Variants in CAMTA1 observed in about 807,000 individuals in gnomAD.
CAMTA1 encodes calmodulin binding transcription activator 1.
CAMTA1 carries 27 observed loss-of-function variants against 170.9 expected under a neutral mutation model. The observed-to-expected ratio is 0.16, with a 90% CI of 0.12 to 0.22. The LOEUF is 0.22. CAMTA1 is among the 10% of genes least tolerant of loss of function. CAMTA1 has a pLI of 1.00. For synonymous variants in CAMTA1, 833 were observed against 891.5 expected, an observed-to-expected ratio of 0.93 and a Z score of 1.17; for missense variants, 1,619 against 2,217.2, an observed-to-expected ratio of 0.73 and a Z score of 5.42.
intron 5 of CAMTA1, among the ~76,000 whole-genome samples, chr1:7,384,171 G>A (rs2087672549): frequency 6.6e-6 from 1 of 152,222 alleles, no homozygotes; most frequent in Admixed American, 6.5e-5. Context: ...TGTGGGAAAA[G>A]GGGGAATGGA....
intron 3 of CAMTA1, among the ~76,000 whole-genome samples, chr1:6,937,585 TCGTCACCATCACCATCATCATCAC>T (rs1685629752): frequency 1.8e-5 from 1 of 55,868 alleles, no homozygotes; most frequent in African/African-American, 6.8e-5. Context: ...ACCACCACCA[TCGTCACCATCACCATCATCATCAC>T]CATCACTATC....
chr1:6,924,106 G>T (rs551304377), intron 3 of CAMTA1, among the ~76,000 whole-genome samples: 1 of 152,292 alleles, frequency 6.6e-6, no homozygotes, highest in East Asian at 1.9e-4. Flanking sequence ...TGGCCACACG[G>T]CATGACTTTG....
chr1:7,557,311 A>G (rs1303874251), intron 6 of CAMTA1, among the ~76,000 whole-genome samples: 1 of 151,308 alleles, frequency 6.6e-6, no homozygotes, highest in Non-Finnish European at 1.5e-5. Flanking sequence ...CCGTTCAGAA[A>G]AAAAAAAAAA....
At chr1:7,637,609 G>A (rs2095723544) in intron 6 of CAMTA1, among the ~76,000 whole-genome samples, 1 of 152,218 alleles carries the variant, frequency 6.6e-6, no homozygotes, top group Admixed American at 6.5e-5. Flanking sequence ...AAGTGAAATG[G>A]AGATGAGACA....
chr1:7,061,410 A>G (rs2101752397), intron 3 of CAMTA1, among the ~76,000 whole-genome samples: 1 of 152,354 alleles, frequency 6.6e-6, no homozygotes, highest in East Asian at 1.9e-4. Context: ...CCGAGCTTCC[A>G]GTGCCCATGC....
intron 5 of CAMTA1, among the ~76,000 whole-genome samples, chr1:7,272,137 G>A (rs906485730): frequency 6.6e-6 from 1 of 152,072 alleles, no homozygotes; most frequent in East Asian, 1.9e-4. Flanking sequence ...AACAATTGCA[G>A]TTATAAATAA....
At chr1:6,988,302 C>G (rs1419485180) in intron 3 of CAMTA1, among the ~76,000 whole-genome samples, 1 of 152,096 alleles carries the variant, frequency 6.6e-6, no homozygotes, top group Non-Finnish European at 1.5e-5. Flanking sequence ...ATCCTGCATC[C>G]CGGCACCCCA....
Position 7,408,281 on chromosome 1 carries a change from G to T in CAMTA1, c.439-59549G>T, listed in dbSNP as rs145084283. On this transcript the variant is annotated intron_variant, in intron 5 of 22. Transcript: ENST00000303635. Reference sequence around the variant, plus strand: ...GACCAAGCATGTCTGCGTTAGCTTTGCATCTTTGTGCTCAGCAAGGACTTG... The same window carrying T: ...GACCAAGCATGTCTGCGTTAGCTTTTCATCTTTGTGCTCAGCAAGGACTTG... 2.9e-3 allele frequency among the ~76,000 whole-genome samples: 444 copies of T among 152,368 alleles called. 1 individual carries two copies. Among genetic ancestry groups the T allele is most frequent in the African/African-American group, 9.7e-3 (403 of 41,588 alleles).
intron 6 of CAMTA1, among the ~76,000 whole-genome samples, chr1:7,543,091 A>G (rs550428779): frequency 2.6e-5 from 4 of 151,516 alleles, no homozygotes; most frequent in African/African-American, 9.7e-5. Flanking sequence ...ATGGTCTCGA[A>G]CTCCTGACCT....
At chr1:6,902,076 A>C (rs202022523) in intron 3 of CAMTA1, among the ~76,000 whole-genome samples, 16,924 of 77,328 alleles carry the variant, frequency 0.22, 1,042 homozygotes, top group African/African-American at 0.25. Flanking sequence ...CACACACAAA[A>C]AAAAAAATAA....
At position 7,730,806 on chromosome 1, in the gene CAMTA1, A is replaced by G. The variant is rs199751832; in HGVS notation, c.2915-1642A>G. 1.8e-4 allele frequency among the ~76,000 whole-genome samples: 27 copies of G among 152,110 alleles called. No homozygotes were observed. The East Asian group carries it at 5.2e-3, about 29-fold the overall frequency. ...CCCAGCTACTTGGGTGGCTGAGCCA[A>G]GATAATCGCTTAAACTCAGGAGGCG... On this transcript the variant is annotated intron_variant, in intron 11 of 22. Transcript: ENST00000303635.
At chr1:7,749,625 C>A (rs1577397841) in intron 19 of CAMTA1, 2 of 332,748 alleles carry the variant, frequency 6.0e-6, no homozygotes, top group East Asian at 7.7e-5. Flanking sequence ...AACTATAAAA[C>A]AAATATTTTG....
At position 7,254,663 on chromosome 1, in the gene CAMTA1, TA is replaced by T. The variant is rs61056446; in HGVS notation, c.438+5047del. On this transcript the variant is annotated intron_variant, in intron 5 of 22. Coordinates refer to ENST00000303635, the MANE Select transcript of CAMTA1 (RefSeq NM_015215.4). ...TTTATTTGGGCACTTAGGCCACATA[TA>T]AAAAAAAAAGAAAGCACCTCTTTTA... Among the ~76,000 whole-genome samples the T allele has an allele frequency of 1.5e-4, 22 of 148,306 alleles. No homozygotes were observed. The East Asian group carries it at 2.7e-3, about 19-fold the overall frequency.
chr1:6,979,965 A>T (rs977242998), intron 3 of CAMTA1, among the ~76,000 whole-genome samples: 1 of 152,138 alleles, frequency 6.6e-6, no homozygotes, highest in African/African-American at 2.4e-5. Flanking sequence ...GGGGAGTCTC[A>T]GTGCTGTGAA....
At chr1:7,182,073 T>C (rs1652287898) in intron 4 of CAMTA1, among the ~76,000 whole-genome samples, 3 of 152,098 alleles carry the variant, frequency 2.0e-5, no homozygotes, top group African/African-American at 7.3e-5. Flanking sequence ...GGAAATTTAG[T>C]ATATGACAAA....
chr1:7,565,791 C>T lies in CAMTA1; in HGVS notation c.511-74609C>T, dbSNP rs1221198319. Among the ~76,000 whole-genome samples, 1 of 152,168 alleles carries T rather than the reference C, an allele frequency of 6.6e-6. No individual in the cohort carries two copies. The highest frequency in any genetic ancestry group is 1.5e-5 in the Non-Finnish European group (1 of 68,026). ...AATACCATAGACCGGGTGGCTTAAA[C>T]AGTAGACATTTACACTCTCACAGTT... On this transcript the variant is annotated intron_variant, in intron 6 of 22. Transcript: ENST00000303635. The surrounding 1 kb of genome is among the most constrained non-coding windows in gnomAD (Gnocchi z 4.5).
At chr1:7,496,194 G>T (rs749689800) in intron 6 of CAMTA1, among the ~76,000 whole-genome samples, 1 of 152,194 alleles carries the variant, frequency 6.6e-6, no homozygotes, top group Non-Finnish European at 1.5e-5. Flanking sequence ...TGAATAGGCT[G>T]GGGGCTCCTT....
At chr1:7,719,550 G>T (rs2096635947) in intron 11 of CAMTA1, among the ~76,000 whole-genome samples, 1 of 152,164 alleles carries the variant, frequency 6.6e-6, no homozygotes, top group African/African-American at 2.4e-5. Flanking sequence ...CTAGTGTTTT[G>T]GTATACAGAG....
chr1:6,937,429 A>G (rs1231585567), intron 3 of CAMTA1, among the ~76,000 whole-genome samples: 2 of 148,488 alleles, frequency 1.3e-5, no homozygotes, highest in Non-Finnish European at 2.9e-5. Context: ...CACTACCATC[A>G]TCACCATCAT....
Sources: allele counts gnomAD v4.1 joint callset (sites outside exome capture counted in the v4.1 genomes callset), GRCh38; gene constraint gnomAD v4.1.1; non-coding constraint Gnocchi (gnomAD v3.1); transcripts MANE v1.5; gene names NCBI Gene and HGNC (gene_info 2026-07-23, HGNC 2026-07-21).